PDE8B: variants seen among roughly 807,000 people sequenced by gnomAD.
PDE8B encodes the protein high affinity cAMP-specific and IBMX-insensitive 3',5'-cyclic phosphodiesterase 8B.
PDE8B carries 26 observed loss-of-function variants against 101.3 expected under a neutral mutation model. The observed-to-expected ratio is 0.26, with a 90% CI of 0.19 to 0.36. The LOEUF is 0.36. PDE8B is among the 10% of genes least tolerant of loss of function. The pLI is 1.00. For synonymous variants in PDE8B, 424 were observed against 429.3 expected (o/e 0.99, Z 0.15); for missense variants, 810 against 1,163.1 (o/e 0.70, Z 4.42).
the PDE8B span, among the ~76,000 whole-genome samples, chr5:77,204,721 G>A: frequency 1.3e-5 from 2 of 152,132 alleles, no homozygotes; most frequent in Non-Finnish European, 2.9e-5. Flanking sequence ...TCCTGTGATT[G>A]AAAAGTTCTT....
At chr5:77,151,807 A>G in the PDE8B span, 3 of 152,208 alleles carry the variant, frequency 2.0e-5, no homozygotes, top group Admixed American at 2.0e-4. Flanking sequence ...GTTTGGTATT[A>G]TCCATGCAGG....
intron 1 of PDE8B, among the ~76,000 whole-genome samples, chr5:77,257,482 A>G (rs551020224): frequency 1.3e-4 from 20 of 152,332 alleles, no homozygotes; most frequent in South Asian, 4.1e-4. Context: ...GATAAGTATT[A>G]TCATTTTATA....
At chr5:77,367,180 C>G (rs1447507811) in intron 10 of PDE8B, among the ~76,000 whole-genome samples, 1 of 152,156 alleles carries the variant, frequency 6.6e-6, no homozygotes, top group African/African-American at 2.4e-5. Context: ...CACACACACA[C>G]ACACACACAA....
chr5:77,328,382 A>G (rs1776458533), intron 3 of PDE8B, among the ~76,000 whole-genome samples: 1 of 152,204 alleles, frequency 6.6e-6, no homozygotes, highest in Non-Finnish European at 1.5e-5. Flanking sequence ...TAGTACAACA[A>G]ACATTATATG....
At chr5:77,377,864 T>A (rs1786466410) in intron 10 of PDE8B, among the ~76,000 whole-genome samples, 1 of 152,194 alleles carries the variant, frequency 6.6e-6, no homozygotes, top group Non-Finnish European at 1.5e-5. Context: ...GCTCTCAGGC[T>A]TTCAGACTTC....
chr5:77,128,390 A>G, the PDE8B span, among the ~76,000 whole-genome samples: 1 of 152,190 alleles, frequency 6.6e-6, no homozygotes, highest in Non-Finnish European at 1.5e-5. Context: ...GCTGATGGGG[A>G]CATGGGGATT....
the PDE8B span, among the ~76,000 whole-genome samples, chr5:77,118,133 G>A: frequency 6.6e-6 from 1 of 152,052 alleles, no homozygotes; most frequent in Admixed American, 6.6e-5. Context: ...TTTTAGTACA[G>A]ATGGGGTTTC....
intron 1 of PDE8B, chr5:77,291,440 C>T (rs868862908): frequency 5.5e-5 from 89 of 1,611,294 alleles, no homozygotes; most frequent in Middle Eastern, 2.2e-4. Context: ...GTCTTGCCCA[C>T]GATGCATCCA....
rs773049551 is a variant in PDE8B, at chr5:77,412,253, C to A, written c.1712+18C>A. On this transcript the variant is annotated intron_variant, in intron 16 of 21. Coordinates refer to ENST00000264917, the MANE Select transcript of PDE8B (RefSeq NM_003719.5). ...CATAAAAGGTATGTGACTTCTCTGG[C>A]TGAAGGCAGAGCAGGATTGATGGCC... 7.4e-6 allele frequency: 12 copies of A among 1,613,342 alleles called. No homozygotes were observed. In the Admixed American group the frequency reaches 8.3e-5, roughly 11 times the overall value.
At position 77,419,919 on chromosome 5, in the gene PDE8B, T is replaced by A. The variant is rs1796286359; in HGVS notation, c.2250+32T>A. The A allele has an allele frequency of 3.1e-6, 5 of 1,612,472 alleles. No individual in the cohort carries two copies. The South Asian group carries it at 5.5e-5, about 18-fold the overall frequency. On this transcript the variant is annotated intron_variant, in intron 19 of 21. Transcript: ENST00000264917. ...ACTGCTTTCCATGCCATAAGGCACA[T>A]CCAAGTACATTTCCATAAGAGCCTG...
chr5:77,164,017 A>G, the PDE8B span, among the ~76,000 whole-genome samples: 3 of 152,204 alleles, frequency 2.0e-5, no homozygotes, highest in East Asian at 5.8e-4. Context: ...GGTGCACATG[A>G]CCAGGATGAA....
rs189505223 is a variant in PDE8B at position 77,265,458 on chromosome 5, T to C, written c.340-46536T>C. Among the ~76,000 whole-genome samples the C allele has an allele frequency of 6.7e-4, 102 of 152,368 alleles. 2 individuals are homozygous for C. In the Middle Eastern group the frequency reaches 0.014, roughly 20 times the overall value. On this transcript the variant is annotated intron_variant, in intron 1 of 21. Transcript: ENST00000264917. ...TTAGTATAACAATTTCTGTGCTCTT[T>C]CCAATGTTTGTTTAAATTGTTTTTT...
chr5:77,240,357 G>T (rs1012192913), intron 1 of PDE8B, among the ~76,000 whole-genome samples: 7 of 152,092 alleles, frequency 4.6e-5, no homozygotes, highest in Admixed American at 2.6e-4. Context: ...GTTTCACCGT[G>T]TTAGCCAGGA....
chr5:77,201,858 ATT>A, the PDE8B span, among the ~76,000 whole-genome samples: 2 of 152,086 alleles, frequency 1.3e-5, no homozygotes, highest in Non-Finnish European at 2.9e-5. Flanking sequence ...ACAGAAACTT[ATT>A]TTCTCACAAT....
chr5:77,287,560 C>CTCTT (rs113015362), intron 1 of PDE8B, among the ~76,000 whole-genome samples: 28,160 of 151,864 alleles, frequency 0.19, 2,705 homozygotes, highest in Non-Finnish European at 0.21. Flanking sequence ...GACGCGTTCT[C>CTCTT]TCTAATCCTA....
At chr5:77,225,880 A>ACACACC (rs1554059621) in intron 1 of PDE8B, among the ~76,000 whole-genome samples, 3 of 100,718 alleles carry the variant, frequency 3.0e-5, no homozygotes, top group Non-Finnish European at 6.1e-5. Context: ...ACACACACAC[A>ACACACC]CCCCACGCAC....
chr5:77,362,206 G>A (rs1456243767), intron 10 of PDE8B, among the ~76,000 whole-genome samples: 2 of 152,186 alleles, frequency 1.3e-5, no homozygotes, highest in African/African-American at 4.8e-5. Context: ...GAAACAGGTG[G>A]CCAGTACATA....
rs1338019059 is a variant in PDE8B at position 77,331,476 on chromosome 5, C to T, written c.708+17C>T. 6.3e-7 allele frequency: 1 copy of T among 1,599,676 alleles called. No individual in the cohort carries two copies. The highest frequency in any genetic ancestry group is 1.7e-5 in the Admixed American group (1 of 60,006). On this transcript the variant is annotated intron_variant, in intron 5 of 21. Transcript: ENST00000264917. ...TTCAACAGGGTATGTACAAGATATC[C>T]AGCATCTCTCTCAGTTGCAGGCACC... is the stretch of plus-strand genomic sequence containing the variant.
chr5:77,291,442 A>G lies in PDE8B; in HGVS notation c.340-20552A>G, dbSNP rs185801481. On this transcript the variant is annotated intron_variant, in intron 1 of 21. Coordinates refer to ENST00000264917, the MANE Select transcript of PDE8B (RefSeq NM_003719.5). ...ACAATTGTGACAGGTCTTGCCCACG[A>G]TGCATCCATTGCACACACAGAGACT... 1.9e-6 allele frequency: 3 copies of G among 1,611,462 alleles called. No individual in the cohort carries two copies. The East Asian group carries it at 6.7e-5, about 36-fold the overall frequency.
Sources: gnomAD v4.1 joint callset for allele counts (sites outside exome capture counted in the v4.1 genomes callset) on GRCh38, gnomAD v4.1.1 for gene constraint, MANE v1.5 for transcripts, NCBI Gene and HGNC (gene_info 2026-07-23, HGNC 2026-07-21) for gene names.